FTO: variants seen among roughly 807,000 people sequenced by gnomAD.
FTO encodes FTO alpha-ketoglutarate dependent dioxygenase, also known as alpha-ketoglutarate-dependent dioxygenase FTO.
FTO carries 47 observed loss-of-function variants against 63.9 expected under a neutral mutation model. That is an observed-to-expected ratio of 0.74 (90% CI 0.58 to 0.94). The LOEUF (loss-of-function observed/expected upper bound fraction) is 0.94. Ranked by LOEUF, FTO falls within the 40% of genes least tolerant of loss-of-function variation. The probability of loss-of-function intolerance (pLI) is 0.00; values close to 1 mark genes in which losing one functional copy is unlikely to be tolerated. For synonymous variants in FTO, 207 were observed against 224.4 expected (o/e 0.92, Z 0.69); for missense variants, 562 against 618.1 (o/e 0.91, Z 0.96).
At chr16:53,759,016 T>A (rs1319635983) in intron 1 of FTO, among the ~76,000 whole-genome samples, 4 of 152,008 alleles carry the variant, frequency 2.6e-5, no homozygotes, top group Non-Finnish European at 4.4e-5. Context: ...AAGGATAGAG[T>A]CGTGTGGGAG....
At chr16:54,018,560 C>G (rs2084516258) in intron 8 of FTO, among the ~76,000 whole-genome samples, 1 of 152,172 alleles carries the variant, frequency 6.6e-6, no homozygotes. Context: ...AATTATAGTT[C>G]CCATAATCCC....
intron 1 of FTO, among the ~76,000 whole-genome samples, chr16:53,766,171 A>G (rs965412045): frequency 9.2e-5 from 14 of 152,212 alleles, no homozygotes; most frequent in Non-Finnish European, 1.9e-4. Context: ...AAAGAAAAGA[A>G]CAATCAAGGA....
intron 8 of FTO, among the ~76,000 whole-genome samples, chr16:54,024,929 C>G (rs532861184): frequency 6.6e-6 from 1 of 152,270 alleles, no homozygotes; most frequent in East Asian, 1.9e-4. Context: ...TAATCAGTAA[C>G]TTCTGTATTT....
At chr16:53,899,230 C>CT (rs36083917) in intron 7 of FTO, among the ~76,000 whole-genome samples, 217 of 148,112 alleles carry the variant, frequency 1.5e-3, no homozygotes, top group Non-Finnish European at 2.1e-3. Flanking sequence ...TATGGAAAAT[C>CT]TTTTTTTTTT....
chr16:53,931,462 A>G (rs2082282395), intron 7 of FTO, among the ~76,000 whole-genome samples: 1 of 151,708 alleles, frequency 6.6e-6, no homozygotes, highest in Non-Finnish European at 1.5e-5. Flanking sequence ...GCCTGCCACC[A>G]CACCCAGCTA....
At chr16:53,760,625 T>C (rs8061291) in intron 1 of FTO, among the ~76,000 whole-genome samples, 27,369 of 144,494 alleles carry the variant, frequency 0.19, 3,463 homozygotes, top group African/African-American at 0.35. Flanking sequence ...TGCTTTCTTT[T>C]TTTTTTTTTT....
At chr16:54,077,530 G>C (rs1292908504) in intron 8 of FTO, among the ~76,000 whole-genome samples, 1 of 152,156 alleles carries the variant, frequency 6.6e-6, no homozygotes, top group Non-Finnish European at 1.5e-5. Flanking sequence ...CCCCCACCAA[G>C]CTACTAACAT....
chr16:53,969,382 C>A (rs2083268528), intron 8 of FTO, among the ~76,000 whole-genome samples: 1 of 152,108 alleles, frequency 6.6e-6, no homozygotes, highest in African/African-American at 2.4e-5. Context: ...TACTAAAGGT[C>A]CTTGGTCCAG....
intron 1 of FTO, among the ~76,000 whole-genome samples, chr16:53,776,924 T>C (rs1040525562): frequency 6.6e-6 from 1 of 152,196 alleles, no homozygotes; most frequent in African/African-American, 2.4e-5. Context: ...TGATAGCTTC[T>C]ATTTTAAAAC....
At chr16:53,736,806 C>T (rs539182958) in intron 1 of FTO, among the ~76,000 whole-genome samples, 3 of 152,278 alleles carry the variant, frequency 2.0e-5, no homozygotes, top group South Asian at 2.1e-4. Context: ...ACGTAACCAG[C>T]GTCTCCTCCC....
chr16:53,721,083 C>T (rs1219073931), intron 1 of FTO, among the ~76,000 whole-genome samples: 1 of 152,182 alleles, frequency 6.6e-6, no homozygotes, highest in East Asian at 1.9e-4. Context: ...AGCCACTGCA[C>T]CTGGCCTGAG....
chr16:53,907,675 T>G (rs1486610540), intron 7 of FTO, among the ~76,000 whole-genome samples: 2 of 152,212 alleles, frequency 1.3e-5, no homozygotes, highest in African/African-American at 4.8e-5. Context: ...CTTCACTCCC[T>G]GTATTCCTAC....
chr16:53,994,583 A>T (rs2083892373), intron 8 of FTO: 1 of 152,118 alleles, frequency 6.6e-6, no homozygotes, highest in African/African-American at 2.4e-5. Context: ...GGCTGGTCTC[A>T]AATTCCTAGC....
intron 8 of FTO, among the ~76,000 whole-genome samples, chr16:53,939,827 A>G (rs554133019): frequency 4.5e-4 from 69 of 152,270 alleles, no homozygotes; most frequent in African/African-American, 1.4e-3. Flanking sequence ...ATATTCCACT[A>G]TATCGATGTG....
chr16:53,911,545 C>T, intron 7 of FTO: 1 of 699,624 alleles, frequency 1.4e-6, no homozygotes, highest in Non-Finnish European at 2.6e-6. Context: ...TTTGTGTCAT[C>T]TGATCTGAGG....
intron 8 of FTO, chr16:54,033,995 AC>A (rs2084888331): frequency 6.6e-6 from 1 of 152,136 alleles, no homozygotes; most frequent in Non-Finnish European, 1.5e-5. Context: ...ACTTGTACGT[AC>A]CTGGGCTATG....
chr16:53,715,759 T>C (rs2075880781), intron 1 of FTO, among the ~76,000 whole-genome samples: 1 of 152,240 alleles, frequency 6.6e-6, no homozygotes, highest in African/African-American at 2.4e-5. Context: ...TTATAATCTC[T>C]TTCCACATAC....
At position 54,120,465 on chromosome 16, in the gene FTO, T is replaced by C. The variant is rs1360941869; in HGVS notation, c.*8550T>C. 1.3e-5 allele frequency: 2 copies of C among 152,208 alleles called. No homozygotes were observed. The highest frequency in any genetic ancestry group is 4.8e-5 in the African/African-American group (2 of 41,442). The allele number at this position is 152,208 out of a possible 1,614,324, so 9.4% of individuals were successfully genotyped here. A position where few individuals can be genotyped will look rare whatever the true frequency, so the allele number is the denominator to read the frequency against. ...AATTTCTGCCCTTTGCTCATTTTAA[T>C]ACAGAGCCTGAGGATAGGAGAGCAG... On this transcript the variant is annotated 3_prime_UTR_variant, in exon 9 of 9. Transcript: ENST00000471389.
At chr16:53,834,842 A>C (rs1031939465) in intron 3 of FTO, among the ~76,000 whole-genome samples, 1 of 152,110 alleles carries the variant, frequency 6.6e-6, no homozygotes, top group Non-Finnish European at 1.5e-5. Flanking sequence ...TGGCTTCCTG[A>C]TATGGAAGGT....
Sources: gnomAD v4.1 joint callset for allele counts (sites outside exome capture counted in the v4.1 genomes callset) on GRCh38, gnomAD v4.1.1 for gene constraint, MANE v1.5 for transcripts, NCBI Gene and HGNC (gene_info 2026-07-23, HGNC 2026-07-21) for gene names.